The following CDCP1 variants were observed in gnomAD, a reference collection of about 807,000 sequenced individuals.
CDCP1 encodes CUB domain-containing protein 1.
A neutral mutation model predicts 60.2 loss-of-function variants in CDCP1; 29 were observed. The ratio of observed to expected loss-of-function variants is 0.48; its 90% CI spans 0.36 to 0.66. The LOEUF is 0.66. Among genes scored for constraint, CDCP1 ranks in the 30% least tolerant of loss-of-function variants. CDCP1 has a pLI of 0.00. For synonymous variants in CDCP1, 387 were observed against 431.1 expected (o/e 0.90, Z 1.27); for missense variants, 876 against 1,074.3 (o/e 0.82, Z 2.58).
intron 1 of CDCP1, among the ~76,000 whole-genome samples, chr3:45,138,110 A>G (rs564034824): frequency 2.6e-5 from 4 of 152,368 alleles, no homozygotes; most frequent in African/African-American, 7.2e-5. Flanking sequence ...AATGTAACTG[A>G]GCATGACAAT....
In CDCP1 at chr3:45,092,622, A is replaced by G. The variant is rs74802982; in HGVS notation, c.1627+655T>C. Among the ~76,000 whole-genome samples, 643 of 152,304 alleles carry G rather than the reference A, an allele frequency of 4.2e-3. 3 individuals carry two copies. The highest frequency in any genetic ancestry group is 0.01 in the Middle Eastern group (3 of 294). ...CAGAGAATAAGAGTAGGAAATAAAC[A>G]TCAAAGGTCTTGGTCAATTTTAAAA... is the stretch of plus-strand genomic sequence containing the variant. On this transcript the variant is annotated intron_variant, in intron 6 of 8. Transcript: ENST00000296129.
At chr3:45,118,039 G>T (rs371532204) in intron 2 of CDCP1, among the ~76,000 whole-genome samples, 2 of 152,288 alleles carry the variant, frequency 1.3e-5, no homozygotes, top group African/African-American at 4.8e-5. Context: ...TCACAGACCT[G>T]AAGATCTGTA....
chr3:45,141,087 G>C (rs1358193135), intron 1 of CDCP1, among the ~76,000 whole-genome samples: 1 of 152,188 alleles, frequency 6.6e-6, no homozygotes, highest in Admixed American at 6.5e-5. Flanking sequence ...TGTAATTCCA[G>C]CTACTTGGGA....
chr3:45,105,271 G>T (rs1157650484), intron 4 of CDCP1, among the ~76,000 whole-genome samples: 1 of 152,120 alleles, frequency 6.6e-6, no homozygotes, highest in Non-Finnish European at 1.5e-5. Flanking sequence ...ATGGGAGTAA[G>T]TCAAAGGCCA....
chr3:45,109,742 C>T (rs1698655994), intron 4 of CDCP1, among the ~76,000 whole-genome samples: 1 of 151,880 alleles, frequency 6.6e-6, no homozygotes, highest in Non-Finnish European at 1.5e-5. Flanking sequence ...AGAGTGGGTA[C>T]CTCCTTATAT....
Position 45,091,212 on chromosome 3 carries a change from C to G in CDCP1, c.1954G>C (p.Asp652His). Reference protein sequence around the residue: ...NCSPTSGKQLDLLFSVTLTPR... With the variant: ...NCSPTSGKQLHLLFSVTLTPR... Reference sequence around the variant, plus strand: ...GTAAGTGTCACCGAGAAGAGCAGGTCTAGCTGCTTGCCGCTCGTGGGGCTG... The same window carrying G: ...GTAAGTGTCACCGAGAAGAGCAGGTGTAGCTGCTTGCCGCTCGTGGGGCTG... Residue 652 changes from aspartate to histidine, a missense_variant, in exon 7 of 9, where the codon GAC becomes CAC. Physicochemically the swap from Asp to His is moderately conservative, Grantham distance 81. This residue lies in a region of CDCP1 where 726 missense variants were observed against 935.7 expected (regional missense o/e 0.78). Transcript: ENST00000296129. The surrounding 1 kb of genome is among the most constrained non-coding windows in gnomAD (Gnocchi z 4.8). 2 of 1,613,872 alleles carry G rather than the reference C, an allele frequency of 1.2e-6. No individual in the cohort carries two copies. The highest frequency in any genetic ancestry group is 1.7e-6 in the Non-Finnish European group (2 of 1,180,016).
At chr3:45,130,027 C>A (rs930936605) in intron 1 of CDCP1, among the ~76,000 whole-genome samples, 1 of 140,450 alleles carries the variant, frequency 7.1e-6, no homozygotes, top group African/African-American at 3.1e-5. Flanking sequence ...ATCTTGGTAA[C>A]AAGACACACA....
chr3:45,131,569 T>C (rs1254384719), intron 1 of CDCP1, among the ~76,000 whole-genome samples: 5 of 152,238 alleles, frequency 3.3e-5, no homozygotes, highest in Non-Finnish European at 7.3e-5. Context: ...TTATTTCATT[T>C]AGCATAATGT....
chr3:45,095,104 T>A (rs1444788451), intron 5 of CDCP1, among the ~76,000 whole-genome samples: 1 of 152,132 alleles, frequency 6.6e-6, no homozygotes, highest in African/African-American at 2.4e-5. Flanking sequence ...CAGCTAATTT[T>A]TGTATTTTTA....
chr3:45,131,816 C>T (rs1237498378), intron 1 of CDCP1, among the ~76,000 whole-genome samples: 1 of 152,180 alleles, frequency 6.6e-6, no homozygotes, highest in Non-Finnish European at 1.5e-5. Flanking sequence ...CATAATGCAG[C>T]CCATTGACCA....
At position 45,146,102 on chromosome 3, in the gene CDCP1, C is replaced by A. The variant is rs181798069; in HGVS notation, c.82+104G>T. 7,954 of 1,078,816 alleles carry A rather than the reference C, an allele frequency of 7.4e-3. 67 individuals carry two copies. Among genetic ancestry groups the A allele is most frequent in the South Asian group, 0.025 (1,538 of 62,266 alleles). The allele number at this position is 1,078,816 out of a possible 1,614,324, so 66.8% of individuals were successfully genotyped here. A position where few individuals can be genotyped will look rare whatever the true frequency, so the allele number is the denominator to read the frequency against. Reference sequence around the variant, plus strand: ...GTCCCCGCCCTCTCTCCGCACCCTCCGCACCCTCCGCACCCTGCGTCCCTC... The same window carrying A: ...GTCCCCGCCCTCTCTCCGCACCCTCAGCACCCTCCGCACCCTGCGTCCCTC... On this transcript the variant is annotated intron_variant, in intron 1 of 8. Transcript: ENST00000296129.
chr3:45,087,927 C>T (rs1241395808), intron 8 of CDCP1, among the ~76,000 whole-genome samples: 1 of 150,186 alleles, frequency 6.7e-6, no homozygotes, highest in Non-Finnish European at 1.5e-5. Context: ...GAGGCTGAGG[C>T]AGGGGAATCG....
rs375495416 is a variant in CDCP1 at position 45,089,255 on chromosome 3, A to G, written c.1994-114T>C. On this transcript the variant is annotated intron_variant, in intron 7 of 8. Coordinates refer to ENST00000296129, the MANE Select transcript of CDCP1 (RefSeq NM_022842.5). Reference sequence around the variant, plus strand: ...TCTCTCCAAAGGTGGAGCGCCATACATGTGGCTCCTTGTGTGCACATGGGG... The same window carrying G: ...TCTCTCCAAAGGTGGAGCGCCATACGTGTGGCTCCTTGTGTGCACATGGGG... 216 of 768,380 alleles carry G rather than the reference A, an allele frequency of 2.8e-4. 3 individuals carry two copies. In the East Asian group the frequency reaches 4.0e-3, roughly 14 times the overall value. The allele number at this position is 768,380 out of a possible 1,614,324, so 47.6% of individuals were successfully genotyped here.
intron 4 of CDCP1, among the ~76,000 whole-genome samples, chr3:45,101,222 C>A (rs905616793): frequency 6.6e-6 from 1 of 152,174 alleles, no homozygotes; most frequent in Non-Finnish European, 1.5e-5. Context: ...CAATGCAGTA[C>A]CAAGTCTAAT....
intron 1 of CDCP1, among the ~76,000 whole-genome samples, chr3:45,141,224 C>T (rs1699284498): frequency 1.3e-5 from 2 of 151,942 alleles, no homozygotes; most frequent in Admixed American, 1.3e-4. Flanking sequence ...ATGTCAGGAT[C>T]AAGTGAGGAC....
At chr3:45,122,331 C>A (rs6441890) in intron 1 of CDCP1, among the ~76,000 whole-genome samples, 147,068 of 152,158 alleles carry the variant, frequency 0.97, 71,139 homozygotes, top group Non-Finnish European at 0.98. Context: ...TTTAGTAGAG[C>A]TGGGGTTTCA....
At chr3:45,143,034 T>A (rs550001992) in intron 1 of CDCP1, among the ~76,000 whole-genome samples, 9 of 152,200 alleles carry the variant, frequency 5.9e-5, no homozygotes, top group Admixed American at 2.0e-4. Context: ...GAAACCCCGT[T>A]TCTACTAAAA....
intron 2 of CDCP1, 97 bp from the exon 3 acceptor site, chr3:45,112,542 G>A: frequency 6.6e-7 from 1 of 1,515,934 alleles, no homozygotes; most frequent in Non-Finnish European, 8.9e-7. Context: ...AGACTCTTTG[G>A]GGCTCCCCCA....
intron 1 of CDCP1, among the ~76,000 whole-genome samples, chr3:45,144,987 T>C (rs1010878797): frequency 6.6e-6 from 1 of 151,554 alleles, no homozygotes; most frequent in Non-Finnish European, 1.5e-5. Context: ...TCTACTTTAA[T>C]ATATATAATT....
Sources: allele counts gnomAD v4.1 joint callset (sites outside exome capture counted in the v4.1 genomes callset), GRCh38; gene constraint gnomAD v4.1.1; regional missense constraint gnomAD v4.1.1; non-coding constraint Gnocchi (gnomAD v3.1); transcripts MANE v1.5; gene names NCBI Gene and HGNC (gene_info 2026-07-23, HGNC 2026-07-21).